CPED1: variants seen among roughly 807,000 people sequenced by gnomAD.
The protein encoded by CPED1 is cadherin like and PC-esterase domain containing 1, also known as cadherin-like and PC-esterase domain-containing protein 1.
In CPED1, 114 loss-of-function variants were observed where a neutral mutation model predicts 128.2. The observed-to-expected ratio is 0.89, with a 90% CI of 0.76 to 1.04. CPED1 has a LOEUF of 1.04. CPED1 is among the 50% of genes least tolerant of loss of function. The pLI is 0.00. For missense variants in CPED1, 1,211 were observed against 1,207.1 expected (o/e 1.00, Z -0.05); for synonymous variants, 462 against 426.7 (o/e 1.08, Z -1.02).
intron 18 of CPED1, among the ~76,000 whole-genome samples, chr7:121,258,106 A>T (rs1489032711): frequency 6.6e-6 from 1 of 152,120 alleles, no homozygotes; most frequent in African/African-American, 2.4e-5. Flanking sequence ...TATTAAACTC[A>T]TCAGATTAAC....
At chr7:121,098,406 T>C (rs1794752453) in intron 6 of CPED1, among the ~76,000 whole-genome samples, 1 of 152,084 alleles carries the variant, frequency 6.6e-6, no homozygotes, top group African/African-American at 2.4e-5. Flanking sequence ...TATTGAAGAA[T>C]CATATGCATC....
intron 16 of CPED1, among the ~76,000 whole-genome samples, chr7:121,170,768 A>T (rs1796634810): frequency 6.6e-6 from 1 of 152,146 alleles, no homozygotes; most frequent in South Asian, 2.1e-4. Context: ...ATTCAAAAGG[A>T]GGCCAGGCAC....
At chr7:121,119,667 G>C (rs561652335) in intron 7 of CPED1, among the ~76,000 whole-genome samples, 1 of 151,688 alleles carries the variant, frequency 6.6e-6, no homozygotes, top group Admixed American at 6.6e-5. Context: ...ATTTTTAAAA[G>C]TTTGAATTGT....
At chr7:121,022,973 C>T (rs976087104) in intron 3 of CPED1, among the ~76,000 whole-genome samples, 1 of 151,698 alleles carries the variant, frequency 6.6e-6, no homozygotes, top group Non-Finnish European at 1.5e-5. Flanking sequence ...CATCCAGATG[C>T]TATTCAGTAA....
Position 121,125,885 on chromosome 7 carries a change from T to G in CPED1, c.1127T>G (p.Val376Gly), listed in dbSNP as rs902688535. 1 of 1,610,892 alleles carries G rather than the reference T, an allele frequency of 6.2e-7. No individual in the cohort carries two copies. Among genetic ancestry groups the G allele is most frequent in the Non-Finnish European group, 8.5e-7 (1 of 1,177,276 alleles). Residue 376 changes from valine to glycine, a missense_variant, in exon 9 of 23, where the codon GTG (valine) becomes GGG (glycine). Physicochemically the swap from Val to Gly is moderately radical, Grantham distance 109. Transcript: ENST00000310396. ...TATGGCAGTTTCATGTACCCTGTAG[T>G]GCTCCAGGTCAGTATGCCAAAGGCC... ...IGYGSFMYPV[V>G]LQVHEHLNFQ...
intron 22 of CPED1, among the ~76,000 whole-genome samples, chr7:121,289,341 A>G (rs1291353237): frequency 6.6e-6 from 1 of 152,230 alleles, no homozygotes; most frequent in East Asian, 1.9e-4. Flanking sequence ...TTATCATTAC[A>G]TAATAATGCA....
intron 22 of CPED1, among the ~76,000 whole-genome samples, chr7:121,276,086 T>G (rs1464757257): frequency 1.3e-5 from 2 of 152,122 alleles, no homozygotes; most frequent in African/African-American, 4.8e-5. Context: ...CAATAGATAT[T>G]TTTGAGTATC....
chr7:121,046,220 T>C (rs532281087), intron 3 of CPED1, among the ~76,000 whole-genome samples: 1 of 152,310 alleles, frequency 6.6e-6, no homozygotes, highest in East Asian at 1.9e-4. Context: ...CTTGGTGAAA[T>C]AGCTGAAATA....
intron 4 of CPED1, among the ~76,000 whole-genome samples, chr7:121,057,991 T>C (rs897773746): frequency 3.3e-5 from 5 of 152,046 alleles, no homozygotes; most frequent in Non-Finnish European, 5.9e-5. Context: ...GCACTCCCCA[T>C]GCCAGTGTCT....
intron 17 of CPED1, among the ~76,000 whole-genome samples, chr7:121,237,187 C>A (rs1798278950): frequency 6.6e-6 from 1 of 152,048 alleles, no homozygotes; most frequent in Non-Finnish European, 1.5e-5. Context: ...ATTTAAATGA[C>A]CAAGTATTGA....
At chr7:120,991,497 G>A (rs745874239) in intron 2 of CPED1, among the ~76,000 whole-genome samples, 4 of 152,188 alleles carry the variant, frequency 2.6e-5, no homozygotes, top group Non-Finnish European at 5.9e-5. Flanking sequence ...AAATAGTTGA[G>A]ATAGTCTTGC....
chr7:121,194,862 G>C (rs990657857), intron 16 of CPED1: 1 of 152,014 alleles, frequency 6.6e-6, no homozygotes, highest in African/African-American at 2.4e-5. Flanking sequence ...TCGGCCTTCA[G>C]GGCTCAGGTG....
intron 16 of CPED1, among the ~76,000 whole-genome samples, chr7:121,206,879 G>A (rs533329851): frequency 3.3e-5 from 5 of 151,952 alleles, no homozygotes; most frequent in Non-Finnish European, 5.9e-5. Flanking sequence ...ACTATGCTCC[G>A]AGGTTAAAGA....
chr7:121,088,830 C>G (rs1234964318), intron 5 of CPED1, among the ~76,000 whole-genome samples: 5 of 134,288 alleles, frequency 3.7e-5, no homozygotes, highest in African/African-American at 1.4e-4. Context: ...CTTTAAAGAC[C>G]AGCAATTATT....
At position 121,161,842 on chromosome 7, in the gene CPED1, G is replaced by A. The variant is rs189708494; in HGVS notation, c.2055+19701G>A. Among the ~76,000 whole-genome samples the A allele has an allele frequency of 4.4e-3, 668 of 152,202 alleles. 1 individual carries two copies. The highest frequency in any genetic ancestry group is 7.6e-3 in the Non-Finnish European group (516 of 68,004). ...GGAACCAGATCCATTAAGAAAGGGG[G>A]TAGGTTTGTCAACATAGCAGGATAG... is the stretch of plus-strand genomic sequence containing the variant. On this transcript the variant is annotated intron_variant, in intron 16 of 22. Transcript: ENST00000310396.
At chr7:121,249,002 G>GA (rs1798604910) in intron 18 of CPED1, among the ~76,000 whole-genome samples, 2 of 152,144 alleles carry the variant, frequency 1.3e-5, no homozygotes, top group Middle Eastern at 6.8e-3. Flanking sequence ...TTCTAGACTT[G>GA]AAAAAATTCA....
chr7:121,122,009 A>C (rs188463779), intron 7 of CPED1, among the ~76,000 whole-genome samples: 1 of 152,236 alleles, frequency 6.6e-6, no homozygotes, highest in East Asian at 1.9e-4. Flanking sequence ...TCTTTTGGAG[A>C]CTTTGAAAGT....
At chr7:121,021,591 T>C (rs989691942) in intron 3 of CPED1, among the ~76,000 whole-genome samples, 1 of 152,000 alleles carries the variant, frequency 6.6e-6, no homozygotes, top group African/African-American at 2.4e-5. Context: ...AATAACTTTC[T>C]TGGGGAGGTA....
intron 10 of CPED1, among the ~76,000 whole-genome samples, chr7:121,127,829 T>C (rs1795545389): frequency 6.6e-6 from 1 of 152,156 alleles, no homozygotes; most frequent in Non-Finnish European, 1.5e-5. Context: ...GTGGATATTA[T>C]GAATAATATG....
Sources: allele counts gnomAD v4.1 joint callset (sites outside exome capture counted in the v4.1 genomes callset), GRCh38; gene constraint gnomAD v4.1.1; transcripts MANE v1.5; gene names NCBI Gene and HGNC (gene_info 2026-07-23, HGNC 2026-07-21).